The following RNF216 variants were observed in gnomAD, a reference collection of about 807,000 sequenced individuals.
RNF216 encodes the protein E3 ubiquitin-protein ligase RNF216.
RNF216 carries 72 observed loss-of-function variants against 110.8 expected under a neutral mutation model. The observed-to-expected ratio is 0.65, with a 90% CI of 0.54 to 0.79. The LOEUF is 0.79. Among genes scored for constraint, RNF216 ranks in the 30% least tolerant of loss-of-function variants. RNF216 has a pLI of 0.00. For missense variants in RNF216, 1,342 were observed against 1,141.2 expected (o/e 1.18, Z -2.54); for synonymous variants, 495 against 407.5 (o/e 1.21, Z -2.59).
intron 9 of RNF216, 121 bp downstream of exon 9, chr7:5,720,912 T>C: frequency 1.1e-6 from 1 of 916,020 alleles, no homozygotes. Flanking sequence ...ACTTTGCATA[T>C]ATCCAAATTT....
At position 5,716,561 on chromosome 7, in the gene RNF216, G is replaced by C. The variant is rs538083854; in HGVS notation, c.1695+155C>G. Among the ~76,000 whole-genome samples, 5 of 151,764 alleles carry C rather than the reference G, an allele frequency of 3.3e-5. No individual in the cohort carries two copies. In the East Asian group the frequency reaches 5.8e-4, roughly 18 times the overall value. On this transcript the variant is annotated intron_variant, in intron 10 of 16. Coordinates refer to ENST00000389902, the MANE Select transcript of RNF216 (RefSeq NM_207111.4). The stretch of plus-strand genomic sequence containing the variant: ...GTGTGGTATAAGAGTGACTATACTA[G>C]ATCACGTATCTGACTATAACTTGGC...
At chr7:5,669,185 TCCAGCTATA>T (rs1789736521) in intron 13 of RNF216, among the ~76,000 whole-genome samples, 1 of 152,226 alleles carries the variant, frequency 6.6e-6, no homozygotes, top group South Asian at 2.1e-4. Flanking sequence ...GCGGTCGGGC[TCCAGCTATA>T]CCTACTAAGC....
chr7:5,689,288 A>C (rs1791178321), intron 13 of RNF216, among the ~76,000 whole-genome samples: 1 of 151,590 alleles, frequency 6.6e-6, no homozygotes, highest in Non-Finnish European at 1.5e-5. Flanking sequence ...AGGAAAAGTG[A>C]CAGAAGTTAC....
chr7:5,715,640 T>C (rs920269047), intron 10 of RNF216, among the ~76,000 whole-genome samples: 31 of 152,108 alleles, frequency 2.0e-4, no homozygotes, highest in Non-Finnish European at 3.4e-4. Flanking sequence ...TTTAAGGGAC[T>C]ATTGAAGCTA....
intron 2 of RNF216, among the ~76,000 whole-genome samples, chr7:5,759,834 T>C (rs931409491): frequency 9.2e-5 from 14 of 152,024 alleles, no homozygotes; most frequent in Admixed American, 3.3e-4. Flanking sequence ...GATTTCACCA[T>C]GTTGGTCAGG....
At chr7:5,656,771 A>G (rs1485190946) in intron 13 of RNF216, among the ~76,000 whole-genome samples, 1 of 152,228 alleles carries the variant, frequency 6.6e-6, no homozygotes, top group Non-Finnish European at 1.5e-5. Context: ...TGCTGCCTGA[A>G]TAATGATTAA....
chr7:5,742,987 G>C (rs1390659178), intron 3 of RNF216, among the ~76,000 whole-genome samples: 1 of 152,146 alleles, frequency 6.6e-6, no homozygotes, highest in Non-Finnish European at 1.5e-5. Context: ...CGTAGGCCAG[G>C]CGTGGTGGCT....
chr7:5,677,016 C>T (rs73062695), intron 13 of RNF216, among the ~76,000 whole-genome samples: 3,369 of 152,288 alleles, frequency 0.022, 58 homozygotes, highest in Admixed American at 0.034. Context: ...CCACATGAAA[C>T]GAACCTCGTA....
Position 5,642,319 on chromosome 7 carries a change from T to G in RNF216, c.2160-943A>C, listed in dbSNP as rs575802821. ...CCTCCGCCTCCCCGGGTTCAAGAGATTCTCCCACTTCAGTCTCCCAAGTAG... is the reference window on the plus strand; with the variant it reads ...CCTCCGCCTCCCCGGGTTCAAGAGAGTCTCCCACTTCAGTCTCCCAAGTAG... On this transcript the variant is annotated intron_variant, in intron 14 of 16. Coordinates refer to ENST00000389902, the MANE Select transcript of RNF216 (RefSeq NM_207111.4). Among the ~76,000 whole-genome samples the G allele has an allele frequency of 3.6e-3, 554 of 151,896 alleles. 3 individuals are homozygous for G. Among genetic ancestry groups the G allele is most frequent in the Admixed American group, 5.8e-3 (88 of 15,254 alleles).
At chr7:5,742,986 G>C (rs1042221519) in intron 3 of RNF216, among the ~76,000 whole-genome samples, 3 of 152,174 alleles carry the variant, frequency 2.0e-5, no homozygotes, top group East Asian at 1.9e-4. Context: ...ACGTAGGCCA[G>C]GCGTGGTGGC....
At chr7:5,675,201 G>C (rs185766342) in intron 13 of RNF216, among the ~76,000 whole-genome samples, 1 of 152,292 alleles carries the variant, frequency 6.6e-6, no homozygotes, top group East Asian at 1.9e-4. Context: ...TCTGTTGTAT[G>C]CTAGTTACTA....
chr7:5,744,283 T>G (rs976441285), intron 3 of RNF216, among the ~76,000 whole-genome samples: 1 of 152,038 alleles, frequency 6.6e-6, no homozygotes. Flanking sequence ...GTAAATACAG[T>G]TGAAGAGAGA....
intron 13 of RNF216, among the ~76,000 whole-genome samples, chr7:5,695,394 G>A (rs780463477): frequency 6.6e-6 from 1 of 152,052 alleles, no homozygotes; most frequent in African/African-American, 2.4e-5. Flanking sequence ...CTGAGGGCCC[G>A]GCAGAAGCGC....
rs543073986 is a variant in RNF216, at chr7:5,746,838, A to G, written c.202-5023T>C. Among the ~76,000 whole-genome samples, 99 of 152,330 alleles carry G rather than the reference A, an allele frequency of 6.5e-4. 2 individuals carry two copies. Among genetic ancestry groups the G allele is most frequent in the South Asian group, 6.2e-4 (3 of 4,832 alleles). On this transcript the variant is annotated intron_variant, in intron 3 of 16. Coordinates refer to ENST00000389902, the MANE Select transcript of RNF216 (RefSeq NM_207111.4). ...CCATGATGTGGAATGTTCCAGATGA[A>G]AAAGAGTGTTCATCCAAGAAATTCA...
chr7:5,635,353 A>G (rs1787336004), intron 15 of RNF216, among the ~76,000 whole-genome samples: 2 of 151,918 alleles, frequency 1.3e-5, no homozygotes, highest in South Asian at 4.2e-4. Flanking sequence ...TAACACGCCA[A>G]AGCCAGCTGT....
intron 13 of RNF216, among the ~76,000 whole-genome samples, chr7:5,710,378 C>A (rs10275238): frequency 0.84 from 125,936 of 149,136 alleles, 54,196 homozygotes; most frequent in Middle Eastern, 0.93. Context: ...AAAACAAAAA[C>A]AAAAACAAAA....
chr7:5,690,653 CCATT>C (rs1413177239), intron 13 of RNF216, among the ~76,000 whole-genome samples: 2 of 149,124 alleles, frequency 1.3e-5, no homozygotes, highest in Non-Finnish European at 3.0e-5. Flanking sequence ...CACTGTTATC[CCATT>C]CTACAGAAGA....
intron 15 of RNF216, among the ~76,000 whole-genome samples, chr7:5,627,892 G>A (rs776374692): frequency 1.3e-5 from 2 of 152,194 alleles, no homozygotes; most frequent in Non-Finnish European, 2.9e-5. Context: ...GCAGGCCACT[G>A]CCTGATTTTT....
Position 5,691,425 on chromosome 7 carries a change from A to T in RNF216, c.2061+20336T>A, listed in dbSNP as rs78524012. Among the ~76,000 whole-genome samples, 439 of 152,000 alleles carry T rather than the reference A, an allele frequency of 2.9e-3. 5 individuals carry two copies. The highest frequency in any genetic ancestry group is 0.01 in the Middle Eastern group (3 of 294). On this transcript the variant is annotated intron_variant, in intron 13 of 16. Transcript: ENST00000389902. ...CCATTAATGATACAAGAGCAGGAACAGATGAATGCGTAAGTGTACAAGAGA... is the reference window on the plus strand; with the variant it reads ...CCATTAATGATACAAGAGCAGGAACTGATGAATGCGTAAGTGTACAAGAGA...
Sources: allele counts gnomAD v4.1 joint callset (sites outside exome capture counted in the v4.1 genomes callset), GRCh38; gene constraint gnomAD v4.1.1; transcripts MANE v1.5; gene names NCBI Gene and HGNC (gene_info 2026-07-23, HGNC 2026-07-21).